The following SOX5 variants were observed in gnomAD, a reference collection of about 807,000 sequenced individuals.
The protein encoded by SOX5 is SRY-box transcription factor 5.
SOX5 carries 9 observed loss-of-function variants against 92.0 expected under a neutral mutation model. The observed-to-expected ratio is 0.10, with a 90% CI of 0.06 to 0.17. The LOEUF is 0.17. Among genes scored for constraint, SOX5 ranks in the 10% least tolerant of loss-of-function variants. SOX5 has a pLI of 1.00. For synonymous variants in SOX5, 344 were observed against 336.3 expected, an observed-to-expected ratio of 1.02 and a Z score of -0.25; for missense variants, 642 against 944.5, an observed-to-expected ratio of 0.68 and a Z score of 4.20.
chr12:23,855,809 A>G (rs1356217630), intron 2 of SOX5, among the ~76,000 whole-genome samples: 1 of 152,108 alleles, frequency 6.6e-6, no homozygotes, highest in Admixed American at 6.5e-5. Flanking sequence ...AAGTCTGTAA[A>G]ACATATGCCT....
intron 6 of SOX5, among the ~76,000 whole-genome samples, chr12:23,702,829 T>C (rs1016508659): frequency 2.0e-4 from 31 of 151,922 alleles, no homozygotes; most frequent in African/African-American, 7.5e-4. Context: ...AAAGTGGCCA[T>C]ATAGTTTAGA....
intron 4 of SOX5, among the ~76,000 whole-genome samples, chr12:23,960,701 T>C (rs1015084830): frequency 1.3e-5 from 2 of 151,342 alleles, no homozygotes; most frequent in Non-Finnish European, 2.9e-5. Context: ...TAAATTGATA[T>C]ATATTAAGCG....
In SOX5 at chr12:24,257,537, T is replaced by A. The variant is rs565068754; in HGVS notation, c.-77+19679A>T. On this transcript the variant is annotated intron_variant, in intron 3 of 4. Coordinates refer to the SOX5 transcript ENST00000446891. ...ACGCTGGAGTGCAGTGGCGCAGTCT[T>A]GGCTCACTTCAACCTCTGCCTACCA... Among the ~76,000 whole-genome samples the A allele has an allele frequency of 2.9e-4, 44 of 152,216 alleles. 1 individual carries two copies. The highest frequency in any genetic ancestry group is 9.9e-4 in the African/African-American group (41 of 41,550).
In SOX5 at chr12:23,895,804, G is replaced by T; in HGVS notation, c.259C>A (p.His87Asn). 2.5e-6 allele frequency: 4 copies of T among 1,609,012 alleles called. No individual in the cohort carries two copies. Among genetic ancestry groups the T allele is most frequent in the Middle Eastern group, 1.7e-4 (1 of 6,050 alleles). The change falls in exon 2 of 15, where the codon CAC (histidine) becomes AAC (asparagine). Residue 87 changes from histidine to asparagine, a missense_variant. Transcript: ENST00000451604. ...TCGHRTPTSQ[H>N]NTMEVDGNKV... is the part of the protein sequence containing the mutation. Reference sequence around the variant, plus strand: ...CATGAGAAACCTACCATTGTATTGTGCTGAGAAGTGGGAGTCCTATGGCCA... The same window carrying T: ...CATGAGAAACCTACCATTGTATTGTTCTGAGAAGTGGGAGTCCTATGGCCA...
chr12:23,615,716 G>A (rs1158977739), intron 8 of SOX5, among the ~76,000 whole-genome samples: 1 of 152,076 alleles, frequency 6.6e-6, no homozygotes, highest in Non-Finnish European at 1.5e-5. Flanking sequence ...ATTCCATGGT[G>A]TATATGCACC....
intron 8 of SOX5, among the ~76,000 whole-genome samples, chr12:23,613,901 G>A (rs946565820): frequency 3.8e-4 from 58 of 152,222 alleles, no homozygotes; most frequent in African/African-American, 1.4e-3. Flanking sequence ...TAATGACTAC[G>A]GACCTTCAGT....
At chr12:23,597,891 T>C (rs1952729454) in intron 9 of SOX5, among the ~76,000 whole-genome samples, 1 of 152,220 alleles carries the variant, frequency 6.6e-6, no homozygotes, top group Non-Finnish European at 1.5e-5. Context: ...AAATGGTCAA[T>C]TTAAATGCGG....
intron 6 of SOX5, among the ~76,000 whole-genome samples, chr12:23,670,991 A>G (rs2084683747): frequency 6.6e-6 from 1 of 152,176 alleles, no homozygotes; most frequent in Admixed American, 6.5e-5. Flanking sequence ...GGAGGACTTC[A>G]GCAAAGACAA....
intron 1 of SOX5, among the ~76,000 whole-genome samples, chr12:24,479,739 T>G (rs899982844): frequency 6.6e-6 from 1 of 152,092 alleles, no homozygotes; most frequent in Non-Finnish European, 1.5e-5. Flanking sequence ...AATCTCAGCT[T>G]ACTGCAACCT....
At chr12:24,553,237 A>G (rs1953388825) in intron 1 of SOX5, among the ~76,000 whole-genome samples, 1 of 152,208 alleles carries the variant, frequency 6.6e-6, no homozygotes, top group Admixed American at 6.5e-5. Flanking sequence ...ACTGAAATTC[A>G]GGCAAAGACT....
At chr12:23,577,192 T>TATATATATATATATATATATA (rs1555172432) in intron 9 of SOX5, among the ~76,000 whole-genome samples, 1 of 58,286 alleles carries the variant, frequency 1.7e-5, no homozygotes, top group African/African-American at 5.9e-5. Flanking sequence ...TATATATATA[T>TATATATATATATATATATATA]TTTTTTTTTT....
intron 3 of SOX5, among the ~76,000 whole-genome samples, chr12:24,222,500 C>T (rs915014072): frequency 3.3e-5 from 5 of 151,984 alleles, no homozygotes; most frequent in African/African-American, 4.8e-5. Context: ...AATTACTATT[C>T]GCTGAAATTG....
intron 1 of SOX5, among the ~76,000 whole-genome samples, chr12:24,383,894 T>C (rs867153200): frequency 6.6e-6 from 1 of 152,102 alleles, no homozygotes; most frequent in African/African-American, 2.4e-5. Context: ...CCATAATCCC[T>C]AAGTGTTGCG....
intron 6 of SOX5, among the ~76,000 whole-genome samples, chr12:23,691,266 G>T (rs772556765): frequency 6.6e-6 from 1 of 152,020 alleles, no homozygotes; most frequent in Non-Finnish European, 1.5e-5. Flanking sequence ...TATTTCTTAC[G>T]TCACACTATT....
intron 8 of SOX5, among the ~76,000 whole-genome samples, chr12:23,617,134 A>T (rs866832266): frequency 0.085 from 12,752 of 150,270 alleles, 950 homozygotes; most frequent in African/African-American, 0.21. Context: ...TCAAGAAAAA[A>T]AAAAAAAAAA....
At chr12:24,128,714 A>G (rs1310319981) in intron 4 of SOX5, among the ~76,000 whole-genome samples, 1 of 152,170 alleles carries the variant, frequency 6.6e-6, no homozygotes, top group Non-Finnish European at 1.5e-5. Context: ...TGGTCATGGC[A>G]AAGACTTTAG....
intron 3 of SOX5, among the ~76,000 whole-genome samples, chr12:23,764,307 A>G (rs1305815132): frequency 6.6e-6 from 1 of 152,122 alleles, no homozygotes; most frequent in Non-Finnish European, 1.5e-5. Context: ...ATTCCATTTG[A>G]AATAGTATTT....
intron 9 of SOX5, among the ~76,000 whole-genome samples, chr12:23,594,648 T>C (rs555117854): frequency 2.6e-5 from 4 of 152,272 alleles, no homozygotes; most frequent in East Asian, 3.9e-4. Flanking sequence ...ATAGAAAATA[T>C]ATCATTTATC....
intron 2 of SOX5, among the ~76,000 whole-genome samples, chr12:24,281,112 T>C (rs1032013880): frequency 6.7e-6 from 1 of 150,296 alleles, no homozygotes; most frequent in African/African-American, 2.4e-5. Flanking sequence ...GAAAAGAGAA[T>C]AATGAGTAAG....
Sources: allele counts gnomAD v4.1 joint callset (sites outside exome capture counted in the v4.1 genomes callset), GRCh38; gene constraint gnomAD v4.1.1; transcripts MANE v1.5; gene names NCBI Gene and HGNC (gene_info 2026-07-23, HGNC 2026-07-21).